The following NSRP1 variants were observed in gnomAD, a reference collection of about 807,000 sequenced individuals.
NSRP1 encodes coiled-coil domain containing 55.
Under a neutral mutation model 54.7 loss-of-function variants are expected in NSRP1, and 24 were observed. That is an observed-to-expected ratio of 0.44 (90% CI 0.32 to 0.62). The LOEUF (loss-of-function observed/expected upper bound fraction) is 0.62. Among genes scored for constraint, NSRP1 ranks in the 20% least tolerant of loss-of-function variants. The pLI, the probability that NSRP1 is intolerant of heterozygous loss-of-function variation, is 0.06. For missense variants in NSRP1, 596 were observed against 651.2 expected (o/e 0.92, Z 0.92); for synonymous variants, 210 against 213.8 (o/e 0.98, Z 0.15).
Position 30,117,048 on chromosome 17 carries a change from C to T in NSRP1, c.20+185C>T, listed in dbSNP as rs984443120. 4 of 831,292 alleles carry T rather than the reference C, an allele frequency of 4.8e-6. No homozygotes were observed. The African/African-American group carries it at 6.7e-5, about 14-fold the overall frequency. The allele number at this position is 831,292 out of a possible 1,614,324, so 51.5% of individuals were successfully genotyped here. A position where few individuals can be genotyped will look rare whatever the true frequency, so the allele number is the denominator to read the frequency against. ...CCCCGTACATTTTCCCGGATGGAAG[C>T]CCGAAGTTTGAGGGAGAAACTTGTG... On this transcript the variant is annotated intron_variant, in intron 1 of 6. Coordinates refer to ENST00000247026, the MANE Select transcript of NSRP1 (RefSeq NM_032141.4).
intron 6 of NSRP1, among the ~76,000 whole-genome samples, chr17:30,181,989 C>A (rs1261011605): frequency 6.6e-6 from 1 of 151,442 alleles, no homozygotes; most frequent in Non-Finnish European, 1.5e-5. Flanking sequence ...AGGGATCCCC[C>A]CTCTATCTCA....
At chr17:30,151,617 T>A (rs895999421) in intron 2 of NSRP1, among the ~76,000 whole-genome samples, 2 of 152,052 alleles carry the variant, frequency 1.3e-5, no homozygotes, top group African/African-American at 4.8e-5. Flanking sequence ...TGTTTCTGAG[T>A]GCCAGAGACA....
rs193177731 is a variant in NSRP1 at position 30,185,009 on chromosome 17, C to A, written c.1012C>A (p.Arg338=). 3.7e-6 allele frequency: 6 copies of A among 1,613,928 alleles called. No homozygotes were observed. The highest frequency in any genetic ancestry group is 5.1e-6 in the Non-Finnish European group (6 of 1,180,010). Residue 338 remains arginine, a synonymous_variant, in exon 7 of 7, where the codon CGG becomes AGG. Coordinates refer to ENST00000247026, the MANE Select transcript of NSRP1 (RefSeq NM_032141.4). The part of the protein sequence containing the change: ...QENHYTDRDY[R]KERDSHRHRE... ...GAACCATTACACTGACCGTGATTAC[C>A]GGAAAGAAAGGGATTCTCATAGGCA...
chr17:30,117,777 TA>T (rs1240186896), intron 1 of NSRP1, among the ~76,000 whole-genome samples: 2 of 150,618 alleles, frequency 1.3e-5, no homozygotes, highest in Non-Finnish European at 3.0e-5. Flanking sequence ...TTTTTTTTTT[TA>T]AATGTTACTG....
chr17:30,147,637 A>C (rs1324139290), intron 2 of NSRP1, among the ~76,000 whole-genome samples: 3 of 148,418 alleles, frequency 2.0e-5, no homozygotes, highest in African/African-American at 7.5e-5. Context: ...CTAATTTTTT[A>C]TATTTTTAGT....
intron 2 of NSRP1, among the ~76,000 whole-genome samples, chr17:30,138,889 G>A (rs1166795253): frequency 7.0e-6 from 1 of 142,616 alleles, no homozygotes; most frequent in Non-Finnish European, 1.5e-5. Flanking sequence ...GGGGTATGAA[G>A]TGGTATCTCA....
At chr17:30,167,174 G>T in intron 2 of NSRP1, among the ~76,000 whole-genome samples, 1 of 152,032 alleles carries the variant, frequency 6.6e-6, no homozygotes, top group Admixed American at 6.6e-5. Context: ...TTTACTTAAG[G>T]TAATGACCTC....
chr17:30,144,351 C>T (rs1279735395), intron 2 of NSRP1, among the ~76,000 whole-genome samples: 2 of 151,524 alleles, frequency 1.3e-5, no homozygotes, highest in African/African-American at 4.9e-5. Context: ...ACCTCTGCCT[C>T]CCAGGTTCAA....
intron 2 of NSRP1, among the ~76,000 whole-genome samples, chr17:30,122,096 A>G (rs1392264748): frequency 6.6e-6 from 1 of 151,800 alleles, no homozygotes; most frequent in Non-Finnish European, 1.5e-5. Flanking sequence ...TTCACTTAGC[A>G]TGATGTTCTC....
At position 30,179,432 on chromosome 17, in the gene NSRP1, A is replaced by G. The variant is rs1287190092; in HGVS notation, c.508+135A>G. The G allele has an allele frequency of 3.8e-6, 5 of 1,331,296 alleles. No individual in the cohort carries two copies. The East Asian group carries it at 1.3e-4, about 34-fold the overall frequency. The allele number at this position is 1,331,296 out of a possible 1,614,324, so 82.5% of individuals were successfully genotyped here. A position where few individuals can be genotyped will look rare whatever the true frequency, so the allele number is the denominator to read the frequency against. ...ATTTATATATAGGAATTCAAGACAC[A>G]AGGAATATGGTATTATATAGCAGTA... is the stretch of plus-strand genomic sequence containing the variant. On this transcript the variant is annotated intron_variant, in intron 5 of 6. Coordinates refer to ENST00000247026, the MANE Select transcript of NSRP1 (RefSeq NM_032141.4).
intron 2 of NSRP1, among the ~76,000 whole-genome samples, chr17:30,126,375 A>G (rs2071649838): frequency 6.6e-6 from 1 of 152,062 alleles, no homozygotes; most frequent in South Asian, 2.1e-4. Context: ...AATTATAGCC[A>G]TCCTTCAAAA....
rs760087006 is a variant in NSRP1, at chr17:30,185,015, G to A, written c.1018G>A (p.Glu340Lys). The change falls in exon 7 of 7, where the codon GAA becomes AAA. Residue 340 changes from glutamate to lysine, a missense_variant. Glu to Lys is a moderately conservative substitution (Grantham distance 56). Transcript: ENST00000247026. ...TTACACTGACCGTGATTACCGGAAA[G>A]AAAGGGATTCTCATAGGCACAGAGA... ...NHYTDRDYRK[E>K]RDSHRHREAS... 23 of 1,614,004 alleles carry A rather than the reference G, an allele frequency of 1.4e-5. No individual in the cohort carries two copies. Among genetic ancestry groups the A allele is most frequent in the Non-Finnish European group, 1.9e-5 (22 of 1,180,046 alleles).
intron 2 of NSRP1, among the ~76,000 whole-genome samples, chr17:30,167,457 A>G (rs985632896): frequency 6.6e-5 from 10 of 152,002 alleles, no homozygotes; most frequent in Non-Finnish European, 1.5e-4. Context: ...AAAAATACAA[A>G]AATTAGCTGG....
chr17:30,172,369 C>T (rs1278855766), intron 2 of NSRP1, among the ~76,000 whole-genome samples, 173 bp from the exon 3 acceptor site: 1 of 152,140 alleles, frequency 6.6e-6, no homozygotes, highest in Non-Finnish European at 1.5e-5. Flanking sequence ...ATGAAATGCT[C>T]ATTGGAGCAT....
intron 2 of NSRP1, among the ~76,000 whole-genome samples, chr17:30,135,023 T>C (rs2071736592): frequency 6.6e-6 from 1 of 152,138 alleles, no homozygotes; most frequent in Non-Finnish European, 1.5e-5. Context: ...TTTTGAACAG[T>C]CTATCCCAAG....
intron 2 of NSRP1, among the ~76,000 whole-genome samples, chr17:30,135,405 G>T (rs923521477): frequency 6.6e-6 from 1 of 151,974 alleles, no homozygotes; most frequent in African/African-American, 2.4e-5. Context: ...AACTGTAGGT[G>T]TGAGCCACCA....
At chr17:30,180,260 G>A (rs1905251720) in intron 5 of NSRP1, among the ~76,000 whole-genome samples, 1 of 152,144 alleles carries the variant, frequency 6.6e-6, no homozygotes, top group African/African-American at 2.4e-5. Context: ...AAGTTCAAGT[G>A]ATTCTTATGC....
chr17:30,134,925 C>T (rs908104483), intron 2 of NSRP1, among the ~76,000 whole-genome samples: 3 of 152,052 alleles, frequency 2.0e-5, no homozygotes, highest in Non-Finnish European at 2.9e-5. Flanking sequence ...CTTTGCCTTC[C>T]AGTGACCTAG....
At chr17:30,171,595 C>T (rs1044256132) in intron 2 of NSRP1, among the ~76,000 whole-genome samples, 1 of 152,122 alleles carries the variant, frequency 6.6e-6, no homozygotes, top group Non-Finnish European at 1.5e-5. Flanking sequence ...GCATGAGCCA[C>T]CGCGCCTGGC....
Sources: gnomAD v4.1 joint callset for allele counts (sites outside exome capture counted in the v4.1 genomes callset) on GRCh38, gnomAD v4.1.1 for gene constraint, MANE v1.5 for transcripts, NCBI Gene and HGNC (gene_info 2026-07-23, HGNC 2026-07-21) for gene names.